SLC25A53: variants seen among roughly 807,000 people sequenced by gnomAD.
The protein encoded by SLC25A53 is mitochondrial carrier triple repeat protein 6.
Under a neutral mutation model 15.0 loss-of-function variants are expected in SLC25A53, and 5 were observed. The observed-to-expected ratio is 0.33, with a 90% CI of 0.17 to 0.70. SLC25A53 has a LOEUF of 0.70. SLC25A53 is among the 30% of genes least tolerant of loss of function. SLC25A53 has a pLI of 0.67. For missense variants in SLC25A53, 216 were observed against 241.6 expected, an observed-to-expected ratio of 0.89 and a Z score of 0.70; for synonymous variants, 95 against 100.0, an observed-to-expected ratio of 0.95 and a Z score of 0.30.
At chrX:104,146,064 T>C (rs1238471825) in intron 1 of SLC25A53, among the ~76,000 whole-genome samples, 1 of 111,982 alleles carries the variant, frequency 8.9e-6, no homozygotes, top group African/African-American at 3.3e-5. Flanking sequence ...CTCAATAAAA[T>C]GCTGGCATAC....
At chrX:104,146,102 G>A (rs1323358823) in intron 1 of SLC25A53, among the ~76,000 whole-genome samples, 1 of 111,687 alleles carries the variant, frequency 9.0e-6, no homozygotes, top group African/African-American at 3.3e-5. Flanking sequence ...CAAAAAGCTT[G>A]TCCACTACAA....
intron 1 of SLC25A53, among the ~76,000 whole-genome samples, chrX:104,137,000 T>G (rs185568963): frequency 9.0e-6 from 1 of 111,697 alleles, no homozygotes; most frequent in East Asian, 2.8e-4. Flanking sequence ...TAATATTTGT[T>G]GAGCACTGAA....
chrX:104,155,655 C>G (rs782143804), intron 1 of SLC25A53, among the ~76,000 whole-genome samples: 4 of 111,361 alleles, frequency 3.6e-5, no homozygotes, highest in Non-Finnish European at 7.5e-5. Flanking sequence ...GTAGTCCTAC[C>G]CAGAGCTTGC....
intron 1 of SLC25A53, among the ~76,000 whole-genome samples, chrX:104,139,675 G>T (rs2075445840): frequency 9.0e-6 from 1 of 111,415 alleles, no homozygotes; most frequent in Non-Finnish European, 1.9e-5. Flanking sequence ...TTAGCTGGGT[G>T]TGGTGGTGTG....
chrX:104,127,413 T>A (rs2147873861), intron 1 of SLC25A53, among the ~76,000 whole-genome samples: 1 of 111,880 alleles, frequency 8.9e-6, no homozygotes, highest in African/African-American at 3.3e-5. Context: ...ATATCATGAC[T>A]GTGGTGGTTG....
At chrX:104,147,775 A>G (rs782066936) in intron 1 of SLC25A53, among the ~76,000 whole-genome samples, 2 of 110,912 alleles carry the variant, frequency 1.8e-5, no homozygotes, top group African/African-American at 3.3e-5. Flanking sequence ...CAGTTAGAAT[A>G]GCAATCATTA....
chrX:104,134,473 C>T (rs782279700), intron 1 of SLC25A53, among the ~76,000 whole-genome samples: 1 of 111,617 alleles, frequency 9.0e-6, no homozygotes, highest in South Asian at 3.8e-4. Context: ...CAAAACAACA[C>T]TGAAGTTAAG....
intron 1 of SLC25A53, among the ~76,000 whole-genome samples, chrX:104,117,560 G>GGCA (rs782035359): frequency 1.7e-4 from 19 of 110,513 alleles, no homozygotes; most frequent in Middle Eastern, 4.7e-3. Flanking sequence ...TCTGGCTCCT[G>GGCA]GCAGCCACCT....
At chrX:104,148,217 C>T (rs1170063265) in intron 1 of SLC25A53, among the ~76,000 whole-genome samples, 3 of 107,785 alleles carry the variant, frequency 2.8e-5, no homozygotes, top group African/African-American at 1.0e-4. Context: ...AATCAAACAC[C>T]GCATGTTCTC....
At chrX:104,131,839 T>C (rs1211516161) in intron 1 of SLC25A53, among the ~76,000 whole-genome samples, 4 of 111,739 alleles carry the variant, frequency 3.6e-5, no homozygotes, top group African/African-American at 1.3e-4. Flanking sequence ...CAGAATCTCA[T>C]GTACTCACCT....
chrX:104,119,999 C>G (rs2075388529), intron 1 of SLC25A53, among the ~76,000 whole-genome samples: 1 of 112,062 alleles, frequency 8.9e-6, no homozygotes, highest in Non-Finnish European at 1.9e-5. Flanking sequence ...ATATCCAGCT[C>G]ATTGCCCTTA....
rs782239157 is a variant in SLC25A53 at position 104,104,743 on chromosome X, A to C, written c.515T>G (p.Leu172Arg). Residue 172 changes from leucine to arginine, a missense_variant, in exon 2 of 2, where the codon CTG becomes CGG. By Grantham distance (102) the Leu-to-Arg change is moderately radical. Transcript: ENST00000594199. ...NSYGLWGRLS[L>R]GYYRGFWPVL... ...AGGCCAGAAACCACGATAGTAGCCC[A>C]GTGACAGCCGCCCCCAAAGCCCATA... 8.3e-6 allele frequency: 10 copies of C among 1,211,714 alleles called. No homozygotes were observed. Among genetic ancestry groups the C allele is most frequent in the Middle Eastern group, 2.3e-4 (1 of 4,355 alleles).
chrX:104,142,480 C>G (rs1439466400), intron 1 of SLC25A53, among the ~76,000 whole-genome samples: 1 of 111,824 alleles, frequency 8.9e-6, no homozygotes, highest in Non-Finnish European at 1.9e-5. Flanking sequence ...TATACTGAGG[C>G]AAACATTCAC....
Position 104,104,307 on chromosome X carries a change from A to G in SLC25A53, c.*27T>C, listed in dbSNP as rs782536844. ...CCAACCAGGGAAGATTTAGAATAAC[A>G]AAGCTGCCATGCCACACTTTCTGCA... On this transcript the variant is annotated 3_prime_UTR_variant, in exon 2 of 2. Transcript: ENST00000594199. The G allele has an allele frequency of 4.2e-6, 5 of 1,190,229 alleles. No homozygotes were observed. In the African/African-American group the frequency reaches 5.3e-5, roughly 13 times the overall value.
chrX:104,111,499 G>A (rs868961520), intron 1 of SLC25A53, among the ~76,000 whole-genome samples: 1 of 107,490 alleles, frequency 9.3e-6, no homozygotes, highest in Non-Finnish European at 1.9e-5. Context: ...GAAAAAAAAA[G>A]AAGAAAAGAA....
At chrX:104,115,394 G>C (rs931509511) in intron 1 of SLC25A53, 22 of 1,012,268 alleles carry the variant, frequency 2.2e-5, no homozygotes, top group Non-Finnish European at 2.9e-5. Flanking sequence ...CAGGAGAGGG[G>C]GGTGGGTTTC....
At chrX:104,134,168 A>G (rs1556365974) in intron 1 of SLC25A53, among the ~76,000 whole-genome samples, 1 of 111,747 alleles carries the variant, frequency 8.9e-6, no homozygotes, top group East Asian at 2.8e-4. Flanking sequence ...ATAAAGGTCT[A>G]ACAGGTTTCC....
intron 1 of SLC25A53, among the ~76,000 whole-genome samples, chrX:104,127,571 G>T (rs911091697): frequency 1.8e-5 from 2 of 111,901 alleles, no homozygotes; most frequent in Admixed American, 9.5e-5. Flanking sequence ...ATAACGTAAG[G>T]TGCCACCGTT....
intron 1 of SLC25A53, chrX:104,114,925 C>A (rs1556360800): frequency 8.4e-7 from 1 of 1,197,185 alleles, no homozygotes; most frequent in African/African-American, 1.8e-5. Flanking sequence ...AGATGATACC[C>A]TTGATGACTC....
Sources: gnomAD v4.1 joint callset for allele counts (sites outside exome capture counted in the v4.1 genomes callset) on GRCh38, gnomAD v4.1.1 for gene constraint, MANE v1.5 for transcripts, NCBI Gene and HGNC (gene_info 2026-07-23, HGNC 2026-07-21) for gene names.